The following DLG2 variants were observed in gnomAD, a reference collection of about 807,000 sequenced individuals.
The protein encoded by DLG2 is discs large MAGUK scaffold protein 2.
Under a neutral mutation model 132.5 loss-of-function variants are expected in DLG2, and 45 were observed. That is an observed-to-expected ratio of 0.34 (90% CI 0.27 to 0.44). The LOEUF (loss-of-function observed/expected upper bound fraction) is 0.44, where lower values mean the gene tolerates loss of function less well. DLG2 is among the 20% of genes least tolerant of loss of function. The pLI is 1.00. For synonymous variants in DLG2, 424 were observed against 419.6 expected (o/e 1.01, Z -0.13); for missense variants, 1,045 against 1,196.9 (o/e 0.87, Z 1.87).
At chr11:83,861,808 T>C (rs1385236289) in intron 16 of DLG2, among the ~76,000 whole-genome samples, 1 of 152,096 alleles carries the variant, frequency 6.6e-6, no homozygotes, top group African/African-American at 2.4e-5. Flanking sequence ...GGACCTACTG[T>C]TTCATAGCAC....
intron 7 of DLG2, among the ~76,000 whole-genome samples, chr11:84,428,208 G>A (rs77721863): frequency 0.032 from 4,880 of 152,098 alleles, 129 homozygotes; most frequent in South Asian, 0.15. Flanking sequence ...ACCTCTCATA[G>A]CTCCTTCAAA....
intron 6 of DLG2, among the ~76,000 whole-genome samples, chr11:84,775,321 T>C (rs1430279571): frequency 6.6e-6 from 1 of 152,154 alleles, no homozygotes; most frequent in Non-Finnish European, 1.5e-5. Flanking sequence ...TGTACACCTT[T>C]GGTGGGAATG....
At chr11:83,589,505 A>G (rs1172383526) in intron 19 of DLG2, among the ~76,000 whole-genome samples, 2 of 152,216 alleles carry the variant, frequency 1.3e-5, no homozygotes, top group Non-Finnish European at 2.9e-5. Context: ...AAACATGGAA[A>G]GGAACAACCG....
intron 7 of DLG2, among the ~76,000 whole-genome samples, chr11:84,512,279 C>G (rs1433065522): frequency 6.6e-6 from 1 of 152,068 alleles, no homozygotes; most frequent in Admixed American, 6.6e-5. Context: ...CAAGTCTCTG[C>G]CTGTCCACAG....
At chr11:85,340,237 C>T (rs1032676622) in intron 3 of DLG2, among the ~76,000 whole-genome samples, 2 of 152,138 alleles carry the variant, frequency 1.3e-5, no homozygotes, top group Non-Finnish European at 1.5e-5. Context: ...TTGGAACCAA[C>T]CCAAATGCCC....
At chr11:84,011,140 T>A (rs1166630792) in intron 11 of DLG2, among the ~76,000 whole-genome samples, 5 of 152,108 alleles carry the variant, frequency 3.3e-5, no homozygotes, top group African/African-American at 1.2e-4. Flanking sequence ...AATATTACTT[T>A]AAATGTGTAT....
At chr11:84,359,637 C>A (rs978417018) in intron 7 of DLG2, among the ~76,000 whole-genome samples, 3 of 151,786 alleles carry the variant, frequency 2.0e-5, no homozygotes, top group African/African-American at 7.3e-5. Context: ...ACAAATGATT[C>A]TTCCTAAAGA....
chr11:85,533,832 C>T (rs1216795809), intron 3 of DLG2, among the ~76,000 whole-genome samples: 1 of 152,146 alleles, frequency 6.6e-6, no homozygotes, highest in Non-Finnish European at 1.5e-5. Context: ...AATCAGAAGC[C>T]TCCACAAGTT....
At chr11:84,660,872 G>A (rs2099693781) in intron 6 of DLG2, among the ~76,000 whole-genome samples, 2 of 152,114 alleles carry the variant, frequency 1.3e-5, no homozygotes, top group Non-Finnish European at 2.9e-5. Flanking sequence ...TGATTTAAAT[G>A]AAATTGATGC....
At chr11:85,068,067 T>C (rs1486172101) in intron 6 of DLG2, among the ~76,000 whole-genome samples, 4 of 152,106 alleles carry the variant, frequency 2.6e-5, no homozygotes, top group Admixed American at 2.0e-4. Flanking sequence ...ATTATCTCAA[T>C]AGATGCAGAA....
chr11:83,883,187 C>T (rs947533180), intron 15 of DLG2, among the ~76,000 whole-genome samples: 1 of 151,446 alleles, frequency 6.6e-6, no homozygotes, highest in African/African-American at 2.5e-5. Flanking sequence ...TATCGTGTTC[C>T]TTCATCTTTT....
chr11:83,467,775 A>ATATATATATATATATATG (rs2091340403), intron 25 of DLG2, among the ~76,000 whole-genome samples: 1 of 38,204 alleles, frequency 2.6e-5, no homozygotes, highest in Non-Finnish European at 4.6e-5. Flanking sequence ...CTATATGTAT[A>ATATATATATATATATATG]TATATATATA....
At chr11:85,141,778 T>G (rs1382676361) in intron 5 of DLG2, among the ~76,000 whole-genome samples, 1 of 151,840 alleles carries the variant, frequency 6.6e-6, no homozygotes. Flanking sequence ...CACATGGATA[T>G]CCAGTTTTCC....
intron 8 of DLG2, among the ~76,000 whole-genome samples, chr11:84,191,977 G>A (rs1393337050): frequency 7.1e-6 from 1 of 140,882 alleles, no homozygotes; most frequent in Non-Finnish European, 1.6e-5. Context: ...TTATCAACTA[G>A]CCCCATTTGT....
chr11:83,704,577 G>GCCAC (rs1272413241), intron 18 of DLG2, among the ~76,000 whole-genome samples: 16 of 151,492 alleles, frequency 1.1e-4, no homozygotes, highest in Non-Finnish European at 2.1e-4. Context: ...AGCATTTTGG[G>GCCAC]AGGCTGAGGC....
rs76753510 is a variant in DLG2 at position 85,260,533 on chromosome 11, T to C, written c.186+24687A>G. 1.2e-3 allele frequency among the ~76,000 whole-genome samples: 185 copies of C among 152,356 alleles called. 2 individuals carry two copies. In the East Asian group the frequency reaches 0.034, roughly 28 times the overall value. ...ATACCTTAAACTGTAAATTCCTTCA[T>C]ATGTATTCATTCACTAACTCATTCA... On this transcript the variant is annotated intron_variant, in intron 4 of 27. Transcript: ENST00000376104.
chr11:84,874,234 C>G (rs1384641259), intron 6 of DLG2, among the ~76,000 whole-genome samples: 1 of 152,110 alleles, frequency 6.6e-6, no homozygotes, highest in Non-Finnish European at 1.5e-5. Context: ...TCCTGACTAT[C>G]TTATAAATAG....
intron 6 of DLG2, among the ~76,000 whole-genome samples, chr11:84,667,477 TG>T (rs141773080): frequency 0.23 from 31,545 of 137,428 alleles, 3,703 homozygotes; most frequent in East Asian, 0.45. Context: ...AGTTTTTTTT[TG>T]TTTTTGTTTT....
intron 6 of DLG2, among the ~76,000 whole-genome samples, chr11:84,934,514 T>TG (rs2048476779): frequency 2.3e-5 from 2 of 85,656 alleles, no homozygotes; most frequent in East Asian, 4.5e-4. Flanking sequence ...GTTTTTTTTT[T>TG]GTTTTGTTTT....
Sources: gnomAD v4.1 joint callset for allele counts (sites outside exome capture counted in the v4.1 genomes callset) on GRCh38, gnomAD v4.1.1 for gene constraint, MANE v1.5 for transcripts, NCBI Gene and HGNC (gene_info 2026-07-23, HGNC 2026-07-21) for gene names.